FUT8: variants seen among roughly 807,000 people sequenced by gnomAD.
The protein encoded by FUT8 is alpha-(1,6)-fucosyltransferase.
In FUT8, 29 loss-of-function variants were observed where a neutral mutation model predicts 71.3. The observed-to-expected ratio is 0.41, with a 90% confidence interval of 0.30 to 0.55. FUT8 has a LOEUF of 0.55. FUT8 is among the 20% of genes least tolerant of loss of function. The pLI, the probability that FUT8 is intolerant of heterozygous loss-of-function variation, is 0.34. For synonymous variants in FUT8, 254 were observed against 239.3 expected, an observed-to-expected ratio of 1.06 and a Z score of -0.57; for missense variants, 544 against 702.1, an observed-to-expected ratio of 0.77 and a Z score of 2.55.
intron 2 of FUT8, among the ~76,000 whole-genome samples, chr14:65,533,976 C>G (rs977200905): frequency 6.6e-6 from 1 of 152,128 alleles, no homozygotes; most frequent in East Asian, 1.9e-4. Flanking sequence ...GGGATAAGCC[C>G]TACTTGATCA....
intron 3 of FUT8, among the ~76,000 whole-genome samples, chr14:65,597,653 G>A (rs930908631): frequency 6.6e-6 from 1 of 151,452 alleles, no homozygotes; most frequent in African/African-American, 2.4e-5. Context: ...AAAAGAAGAA[G>A]AATGGTGCAT....
At chr14:65,486,776 C>T (rs1033483630) in intron 2 of FUT8, among the ~76,000 whole-genome samples, 1 of 152,090 alleles carries the variant, frequency 6.6e-6, no homozygotes, top group Non-Finnish European at 1.5e-5. Context: ...GCATATTTAT[C>T]CCGAGGGTTG....
intron 10 of FUT8, among the ~76,000 whole-genome samples, chr14:65,738,124 G>T (rs1383638329): frequency 6.6e-6 from 1 of 152,104 alleles, no homozygotes; most frequent in African/African-American, 2.4e-5. Context: ...AGCTTACAAT[G>T]CTGAGTGCTG....
chr14:65,605,684 C>A (rs1379614550), intron 3 of FUT8, among the ~76,000 whole-genome samples: 4 of 151,966 alleles, frequency 2.6e-5, no homozygotes, highest in Admixed American at 2.6e-4. Context: ...TTAAGCCACC[C>A]ATTTTATGGT....
At chr14:65,609,626 A>G (rs1369801092) in intron 3 of FUT8, among the ~76,000 whole-genome samples, 1 of 151,888 alleles carries the variant, frequency 6.6e-6, no homozygotes, top group African/African-American at 2.4e-5. Context: ...TCTTTATACT[A>G]GTACCTCACT....
intron 9 of FUT8, among the ~76,000 whole-genome samples, chr14:65,728,823 A>G (rs1895813894): frequency 6.6e-6 from 1 of 152,148 alleles, no homozygotes; most frequent in Admixed American, 6.5e-5. Flanking sequence ...TAGGTGTGGT[A>G]TAGTTGGCTA....
the FUT8 span, among the ~76,000 whole-genome samples, chr14:65,356,867 C>T: frequency 6.6e-6 from 1 of 152,210 alleles, no homozygotes; most frequent in Admixed American, 6.5e-5. The surrounding 1 kb of genome is among the most constrained non-coding windows in gnomAD (Gnocchi z 4.6). Flanking sequence ...TACTGGAACA[C>T]CGGCTCACAT....
intron 3 of FUT8, among the ~76,000 whole-genome samples, chr14:65,578,382 T>C (rs557193951): frequency 6.6e-6 from 1 of 152,318 alleles, no homozygotes; most frequent in Admixed American, 6.5e-5. Flanking sequence ...TTACGTTTCT[T>C]TCAGGCAAAT....
intron 2 of FUT8, among the ~76,000 whole-genome samples, chr14:65,523,602 G>A (rs922119200): frequency 2.0e-5 from 3 of 152,092 alleles, no homozygotes; most frequent in Non-Finnish European, 4.4e-5. Flanking sequence ...GTCAATTTTG[G>A]CTTTTGTTGC....
chr14:65,681,217 G>GT (rs1357308496), intron 7 of FUT8, among the ~76,000 whole-genome samples: 2 of 152,048 alleles, frequency 1.3e-5, no homozygotes, highest in Admixed American at 1.3e-4. Context: ...TTGTTACTCA[G>GT]TTTTTTTAAA....
the FUT8 span, among the ~76,000 whole-genome samples, chr14:65,383,351 C>T: frequency 1.2e-4 from 18 of 147,920 alleles, no homozygotes; most frequent in African/African-American, 3.0e-4. Flanking sequence ...CTTGGCTCAC[C>T]GCAATCGCCG....
Position 65,652,767 on chromosome 14 carries a change from A to T in FUT8, c.598-16476A>T, listed in dbSNP as rs143106209. On this transcript the variant is annotated intron_variant, in intron 6 of 10. Coordinates refer to ENST00000673929, the MANE Select transcript of FUT8 (RefSeq NM_001371533.1). The surrounding 1 kb of genome is among the most constrained non-coding windows in gnomAD (Gnocchi z 4.0). ...AAGAGAAAGAATGAATGAAACTTCT[A>T]CTAAACCTACCTATACTCCAGCTGT... Among the ~76,000 whole-genome samples the T allele has an allele frequency of 6.6e-6, 1 of 152,156 alleles. No homozygotes were observed. Among genetic ancestry groups the T allele is most frequent in the South Asian group, 2.1e-4 (1 of 4,834 alleles).
intron 6 of FUT8, among the ~76,000 whole-genome samples, chr14:65,642,039 CAA>C (rs1260273360): frequency 6.6e-6 from 1 of 151,974 alleles, no homozygotes; most frequent in Non-Finnish European, 1.5e-5. Context: ...TTAATTTTGA[CAA>C]AGTTCAGTTT....
intron 2 of FUT8, among the ~76,000 whole-genome samples, chr14:65,558,092 A>T (rs1043628960): frequency 4.1e-4 from 63 of 151,986 alleles, no homozygotes; most frequent in Admixed American, 3.9e-3. Context: ...ACACTTTGGG[A>T]GGCTGAGGCA....
At chr14:65,707,710 T>G (rs1894619100) in intron 7 of FUT8, among the ~76,000 whole-genome samples, 1 of 152,166 alleles carries the variant, frequency 6.6e-6, no homozygotes, top group Non-Finnish European at 1.5e-5. Flanking sequence ...GTTTTCCCAA[T>G]ACTGTTTATT....
rs141578703 is a variant in FUT8, at chr14:65,643,654, TAA to T, written c.597+14057_597+14058del. On this transcript the variant is annotated intron_variant, in intron 6 of 10. Coordinates refer to ENST00000673929, the MANE Select transcript of FUT8 (RefSeq NM_001371533.1). The surrounding 1 kb of genome is among the most constrained non-coding windows in gnomAD (Gnocchi z 4.5). ...GGGCGACAGAGCGAGACTCCGTCTT[TAA>T]AAAAAAAATACACACACACACACAC... is the stretch of plus-strand genomic sequence containing the variant. 8.5e-6 allele frequency among the ~76,000 whole-genome samples: 1 copy of T among 118,324 alleles called. No individual in the cohort carries two copies. Among genetic ancestry groups the T allele is most frequent in the Admixed American group, 9.0e-5 (1 of 11,054 alleles). 77.6% of individuals were successfully genotyped at this position (118,324 alleles called of 152,430 possible). A position where few individuals can be genotyped will look rare whatever the true frequency, so the allele number is the denominator to read the frequency against.
Position 65,657,843 on chromosome 14 carries a change from G to T in FUT8, c.598-11400G>T, listed in dbSNP as rs548767091. 1.7e-4 allele frequency among the ~76,000 whole-genome samples: 26 copies of T among 152,136 alleles called. No individual in the cohort carries two copies. In the East Asian group the frequency reaches 4.8e-3, roughly 28 times the overall value. ...ATAATTGGATTGTTTGTAACACAAA[G>T]GATGGCTACCCCATTTACCCTGATG... On this transcript the variant is annotated intron_variant, in intron 6 of 10. Transcript: ENST00000673929.
intron 3 of FUT8, among the ~76,000 whole-genome samples, chr14:65,602,939 C>CA (rs1476801647): frequency 6.6e-6 from 1 of 151,742 alleles, no homozygotes; most frequent in Non-Finnish European, 1.5e-5. Context: ...ATTTTTTTCC[C>CA]ACTCTGTGGG....
intron 3 of FUT8, among the ~76,000 whole-genome samples, chr14:65,605,055 A>T (rs1026588666): frequency 8.6e-5 from 13 of 151,940 alleles, no homozygotes; most frequent in African/African-American, 3.1e-4. Context: ...TGATACTTGT[A>T]GGTATACTTT....
Sources: gnomAD v4.1 joint callset for allele counts (sites outside exome capture counted in the v4.1 genomes callset) on GRCh38, gnomAD v4.1.1 for gene constraint, Gnocchi (gnomAD v3.1) non-coding constraint, MANE v1.5 for transcripts, NCBI Gene and HGNC (gene_info 2026-07-23, HGNC 2026-07-21) for gene names.